The following NRXN1 variants were observed in gnomAD, a reference collection of about 807,000 sequenced individuals.
The protein encoded by NRXN1 is neurexin-1.
A neutral mutation model predicts 150.9 loss-of-function variants in NRXN1; 39 were observed. The ratio of observed to expected loss-of-function variants is 0.26; its 90% confidence interval spans 0.20 to 0.34. NRXN1 has a LOEUF of 0.34. NRXN1 is among the 10% of genes least tolerant of loss of function. The probability of loss-of-function intolerance (pLI) is 1.00; values close to 1 mark genes in which losing one functional copy is unlikely to be tolerated. For missense variants in NRXN1, 1,815 were observed against 1,949.9 expected (o/e 0.93, Z 1.30); for synonymous variants, 924 against 757.0 (o/e 1.22, Z -3.62).
chr2:50,288,565 C>T (rs915145936), intron 17 of NRXN1, among the ~76,000 whole-genome samples: 5 of 152,140 alleles, frequency 3.3e-5, no homozygotes, highest in African/African-American at 4.8e-5. Flanking sequence ...AATCACAGTT[C>T]CACATGGCTG....
intron 5 of NRXN1, among the ~76,000 whole-genome samples, chr2:50,701,051 G>C (rs1386122233): frequency 6.6e-6 from 1 of 152,136 alleles, no homozygotes; most frequent in East Asian, 1.9e-4. Flanking sequence ...TTTAGTTCTA[G>C]TTAGACACCC....
At chr2:50,922,751 C>T (rs138656937) in intron 3 of NRXN1, 64 bp from the exon 4 acceptor site, 12 of 1,531,714 alleles carry the variant, frequency 7.8e-6, no homozygotes, top group African/African-American at 5.5e-5. Context: ...AGGGTTGTCA[C>T]GGTGACAAAA....
chr2:50,096,431 T>C (rs1558869653), intron 18 of NRXN1, among the ~76,000 whole-genome samples: 2 of 152,200 alleles, frequency 1.3e-5, no homozygotes, highest in Non-Finnish European at 2.9e-5. Context: ...TTCTTGCCAA[T>C]GCGTAATTAC....
intron 2 of NRXN1, among the ~76,000 whole-genome samples, chr2:50,940,616 T>G (rs1232456603): frequency 2.0e-5 from 3 of 152,114 alleles, no homozygotes; most frequent in Non-Finnish European, 2.9e-5. Flanking sequence ...GAAGCAGACT[T>G]CAGATAACAA....
intron 17 of NRXN1, among the ~76,000 whole-genome samples, chr2:50,273,636 G>T (rs1414717021): frequency 6.6e-6 from 1 of 151,718 alleles, no homozygotes; most frequent in Admixed American, 6.6e-5. Context: ...ACATAGGAAG[G>T]GCCTGATACA....
intron 5 of NRXN1, among the ~76,000 whole-genome samples, chr2:50,869,886 C>T (rs1007387183): frequency 1.3e-5 from 2 of 151,826 alleles, no homozygotes; most frequent in Non-Finnish European, 2.9e-5. Context: ...TAATTAAATA[C>T]ATCATTCATT....
intron 2 of NRXN1, among the ~76,000 whole-genome samples, chr2:51,026,781 C>A (rs72828361): frequency 0.15 from 22,106 of 152,154 alleles, 2,278 homozygotes; most frequent in East Asian, 0.44. Context: ...CTTCAAGAAA[C>A]CGCATAAATG....
intron 2 of NRXN1, among the ~76,000 whole-genome samples, chr2:50,948,030 C>A (rs1480691447): frequency 6.6e-6 from 1 of 151,490 alleles, no homozygotes; most frequent in South Asian, 2.1e-4. Context: ...ATAATCCTGG[C>A]AAGTTATTTA....
intron 5 of NRXN1, among the ~76,000 whole-genome samples, chr2:50,865,583 T>TGC (rs1676771262): frequency 7.4e-6 from 1 of 135,556 alleles, no homozygotes; most frequent in African/African-American, 2.8e-5. Flanking sequence ...TATATAAATG[T>TGC]GTGTGTGTGT....
At position 49,922,069 on chromosome 2, in the gene NRXN1, CG is replaced by C; in HGVS notation, c.4398del (p.Asp1466GlufsTer18). 1 of 1,614,098 alleles carries C rather than the reference CG, an allele frequency of 6.2e-7. No individual in the cohort carries two copies. Among genetic ancestry groups the C allele is most frequent in the Non-Finnish European group, 8.5e-7 (1 of 1,180,018 alleles). On this transcript the variant is annotated frameshift_variant, in exon 23 of 23. Transcript: ENST00000401669. LOFTEE classifies it high-confidence loss of function. The part of the protein sequence containing the change: ...RNRDEGSYHV[D>X]ESRNYISNSA... The stretch of plus-strand genomic sequence containing the variant: ...GAGTTACTGATGTAGTTTCGACTCT[CG>C]TCCACATGGTATGAGCCTTCATCCC...
chr2:51,027,134 G>A (rs1670618594), intron 2 of NRXN1, among the ~76,000 whole-genome samples: 1 of 152,200 alleles, frequency 6.6e-6, no homozygotes, highest in Non-Finnish European at 1.5e-5. Flanking sequence ...TACAGATTTA[G>A]AAGTGGTAGA....
intron 21 of NRXN1, among the ~76,000 whole-genome samples, chr2:49,960,243 T>C (rs1675696630): frequency 6.6e-6 from 1 of 152,192 alleles, no homozygotes; most frequent in African/African-American, 2.4e-5. Flanking sequence ...AGGCACACAA[T>C]GTTTGCCACT....
At chr2:50,956,770 T>C (rs1429004864) in intron 2 of NRXN1, among the ~76,000 whole-genome samples, 2 of 151,836 alleles carry the variant, frequency 1.3e-5, no homozygotes, top group African/African-American at 4.8e-5. Context: ...AAAAGCAAGA[T>C]TTAACATTTA....
At chr2:50,688,133 T>G (rs932105350) in intron 5 of NRXN1, among the ~76,000 whole-genome samples, 16 of 152,178 alleles carry the variant, frequency 1.1e-4, no homozygotes, top group Non-Finnish European at 2.2e-4. Context: ...GTTTTTCCCA[T>G]GTATTAATCT....
At position 50,209,520 on chromosome 2, in the gene NRXN1, A is replaced by G. The variant is rs186083523; in HGVS notation, c.3546+27269T>C. Among the ~76,000 whole-genome samples the G allele has an allele frequency of 4.8e-4, 73 of 152,244 alleles. No individual in the cohort carries two copies. The East Asian group carries it at 0.011, about 23-fold the overall frequency. The stretch of plus-strand genomic sequence containing the variant: ...GCCCAAAACTGTAAAGGTGGAAATA[A>G]TTGGGGCCAAAATTCAAGTTTATCA... On this transcript the variant is annotated intron_variant, in intron 18 of 22. Transcript: ENST00000401669.
chr2:50,289,193 G>A (rs1368084944), intron 17 of NRXN1, among the ~76,000 whole-genome samples: 3 of 152,124 alleles, frequency 2.0e-5, no homozygotes. Context: ...ATATGGGAAT[G>A]TGTAAATCTG....
At chr2:50,270,890 C>T (rs892761345) in intron 17 of NRXN1, among the ~76,000 whole-genome samples, 14 of 152,078 alleles carry the variant, frequency 9.2e-5, no homozygotes, top group African/African-American at 3.4e-4. Context: ...AACTCCTAAC[C>T]TCAAATGATT....
At chr2:50,575,000 T>C (rs1671190552) in intron 8 of NRXN1, among the ~76,000 whole-genome samples, 1 of 152,194 alleles carries the variant, frequency 6.6e-6, no homozygotes, top group Non-Finnish European at 1.5e-5. Flanking sequence ...CACTGGGATG[T>C]ATTAGAGCAA....
intron 5 of NRXN1, among the ~76,000 whole-genome samples, chr2:50,904,599 C>T (rs574948012): frequency 1.1e-3 from 169 of 152,234 alleles, no homozygotes; most frequent in African/African-American, 1.9e-3. Flanking sequence ...ATTAACTTTA[C>T]GCAAAACACT....
Sources: allele counts gnomAD v4.1 joint callset (sites outside exome capture counted in the v4.1 genomes callset), GRCh38; gene constraint gnomAD v4.1.1; transcripts MANE v1.5; gene names NCBI Gene and HGNC (gene_info 2026-07-23, HGNC 2026-07-21).